The following CADM2 variants were observed in gnomAD, a reference collection of about 807,000 sequenced individuals.
CADM2 encodes immunoglobulin superfamily member 4D.
CADM2 carries 12 observed loss-of-function variants against 49.8 expected under a neutral mutation model. That is an observed-to-expected ratio of 0.24 (90% confidence interval 0.15 to 0.39). CADM2 has a LOEUF of 0.39. Among genes scored for constraint, CADM2 ranks in the 10% least tolerant of loss-of-function variants. CADM2 has a pLI of 1.00. For synonymous variants in CADM2, 214 were observed against 175.4 expected (o/e 1.22, Z -1.74); for missense variants, 378 against 492.3 (o/e 0.77, Z 2.20).
At chr3:85,008,798 C>T (rs573652825) in intron 1 of CADM2, among the ~76,000 whole-genome samples, 4 of 152,022 alleles carry the variant, frequency 2.6e-5, no homozygotes, top group South Asian at 4.1e-4. Context: ...TTTTAGTTAT[C>T]GTTTTTCTCA....
At position 85,186,987 on chromosome 3, in the gene CADM2, TA is replaced by T. The variant is rs1471907087; in HGVS notation, c.61+227321del. Among the ~76,000 whole-genome samples, 4 of 152,236 alleles carry T rather than the reference TA, an allele frequency of 2.6e-5. No homozygotes were observed. The East Asian group carries it at 5.8e-4, about 22-fold the overall frequency. Reference sequence around the variant, plus strand: ...GGTTTTTCTGTATGCCTTTGTAAAATAATGCAAGTTCTTTTTACAGTGGACA... The same window carrying T: ...GGTTTTTCTGTATGCCTTTGTAAAATATGCAAGTTCTTTTTACAGTGGACA... On this transcript the variant is annotated intron_variant, in intron 1 of 9. Coordinates refer to ENST00000383699, the MANE Select transcript of CADM2 (RefSeq NM_001167675.2).
intron 1 of CADM2, among the ~76,000 whole-genome samples, chr3:85,600,905 C>T (rs890588863): frequency 2.0e-5 from 3 of 150,344 alleles, no homozygotes; most frequent in African/African-American, 4.9e-5. Flanking sequence ...AGAATAGCAA[C>T]GATTATATCT....
At chr3:85,220,553 AT>A (rs370082608) in intron 1 of CADM2, among the ~76,000 whole-genome samples, 5 of 152,266 alleles carry the variant, frequency 3.3e-5, no homozygotes, top group African/African-American at 1.2e-4. Context: ...TATGTTTGTA[AT>A]CTGGTGATAA....
chr3:85,514,990 G>A (rs1210005822), intron 1 of CADM2, among the ~76,000 whole-genome samples: 1 of 152,068 alleles, frequency 6.6e-6, no homozygotes, highest in African/African-American at 2.4e-5. Flanking sequence ...ACTTTTCAAA[G>A]ATATACTGTC....
intron 1 of CADM2, among the ~76,000 whole-genome samples, chr3:85,584,727 C>A (rs1376575574): frequency 6.6e-6 from 1 of 152,034 alleles, no homozygotes; most frequent in African/African-American, 2.4e-5. Flanking sequence ...TTTAATTTTT[C>A]ATGGATTCTG....
intron 8 of CADM2, among the ~76,000 whole-genome samples, chr3:86,033,861 A>G (rs1734846740): frequency 6.7e-6 from 1 of 148,484 alleles, no homozygotes; most frequent in South Asian, 2.1e-4. Context: ...ATTTATATAT[A>G]ACAAATCCCT....
chr3:84,984,459 CT>C (rs1264382026), intron 1 of CADM2, among the ~76,000 whole-genome samples: 4 of 148,198 alleles, frequency 2.7e-5, no homozygotes, highest in Non-Finnish European at 4.4e-5. Context: ...TTTATATGGC[CT>C]TTTCTTTTCA....
intron 8 of CADM2, among the ~76,000 whole-genome samples, chr3:86,017,168 G>GTATATATA (rs138958837): frequency 6.4e-5 from 9 of 141,540 alleles, no homozygotes; most frequent in African/African-American, 1.3e-4. Context: ...GTGTGTGTGT[G>GTATATATA]TATATATATA....
At chr3:85,737,870 C>T (rs2068209961) in intron 2 of CADM2, among the ~76,000 whole-genome samples, 1 of 152,046 alleles carries the variant, frequency 6.6e-6, no homozygotes, top group Non-Finnish European at 1.5e-5. Context: ...ATTTAACTCA[C>T]TCTTTATGTG....
intron 1 of CADM2, among the ~76,000 whole-genome samples, chr3:85,106,063 G>A (rs1427863265): frequency 1.3e-5 from 2 of 151,914 alleles, no homozygotes; most frequent in African/African-American, 2.4e-5. Context: ...CCTGCACATT[G>A]TGCACATGTA....
At chr3:85,274,246 G>T (rs377436042) in intron 1 of CADM2, among the ~76,000 whole-genome samples, 1 of 151,274 alleles carries the variant, frequency 6.6e-6, no homozygotes, top group African/African-American at 2.4e-5. Context: ...TTAATATTTG[G>T]CTAGTGAGGT....
intron 1 of CADM2, among the ~76,000 whole-genome samples, chr3:85,545,117 T>C (rs2061638724): frequency 6.6e-6 from 1 of 152,162 alleles, no homozygotes; most frequent in African/African-American, 2.4e-5. Flanking sequence ...CATGCTGATG[T>C]GTTATTTGGT....
At chr3:85,971,425 A>G (rs938557906) in intron 8 of CADM2, among the ~76,000 whole-genome samples, 1 of 151,714 alleles carries the variant, frequency 6.6e-6, no homozygotes, top group African/African-American at 2.4e-5. Flanking sequence ...TACATGCAAA[A>G]TGGCTCTCAG....
intron 1 of CADM2, among the ~76,000 whole-genome samples, chr3:85,371,619 CTGTGTG>C (rs71108284): frequency 2.4e-5 from 3 of 124,672 alleles, no homozygotes; most frequent in African/African-American, 6.1e-5. Flanking sequence ...CCACACATCA[CTGTGTG>C]TGTGTGTGTG....
At chr3:85,551,572 AT>A (rs2061803161) in intron 1 of CADM2, among the ~76,000 whole-genome samples, 1 of 152,148 alleles carries the variant, frequency 6.6e-6, no homozygotes, top group Non-Finnish European at 1.5e-5. Context: ...GAAAATTGAT[AT>A]TTTGTCTTTT....
chr3:85,154,849 A>T (rs1158607372), intron 1 of CADM2, among the ~76,000 whole-genome samples: 1 of 150,130 alleles, frequency 6.7e-6, no homozygotes, highest in African/African-American at 2.5e-5. Flanking sequence ...AAGCTTCATA[A>T]GTGAAGGAGA....
At chr3:86,008,516 A>C (rs977255790) in intron 8 of CADM2, among the ~76,000 whole-genome samples, 2 of 152,126 alleles carry the variant, frequency 1.3e-5, no homozygotes, top group African/African-American at 4.8e-5. Context: ...AAAAACACCA[A>C]AAATTTTTGA....
intron 1 of CADM2, among the ~76,000 whole-genome samples, chr3:85,656,555 G>A (rs999008498): frequency 6.6e-6 from 1 of 152,110 alleles, no homozygotes; most frequent in Non-Finnish European, 1.5e-5. Flanking sequence ...GGCGGAGGTT[G>A]CAGTTAGCTG....
intron 8 of CADM2, among the ~76,000 whole-genome samples, chr3:86,055,464 T>TG (rs1737815143): frequency 1.6e-5 from 2 of 125,248 alleles, no homozygotes; most frequent in Admixed American, 8.5e-5. Context: ...TTTTTTTTTT[T>TG]TTTTTTTTTT....
Sources: allele counts gnomAD v4.1 joint callset (sites outside exome capture counted in the v4.1 genomes callset), GRCh38; gene constraint gnomAD v4.1.1; transcripts MANE v1.5; gene names NCBI Gene and HGNC (gene_info 2026-07-23, HGNC 2026-07-21).